RANBP2: variants seen among roughly 807,000 people sequenced by gnomAD.
The protein encoded by RANBP2 is E3 SUMO-protein ligase RanBP2.
Under a neutral mutation model 303.6 loss-of-function variants are expected in RANBP2, and 57 were observed. The ratio of observed to expected loss-of-function variants is 0.19; its 90% CI spans 0.15 to 0.23. The LOEUF (loss-of-function observed/expected upper bound fraction) is 0.23, where lower values mean the gene tolerates loss of function less well. Ranked by LOEUF, RANBP2 falls within the 10% of genes least tolerant of loss-of-function variation. The pLI is 1.00. For missense variants in RANBP2, 3,138 were observed against 3,780.8 expected (o/e 0.83, Z 4.46); for synonymous variants, 1,167 against 1,301.5 (o/e 0.90, Z 2.23).
the RANBP2 span, among the ~76,000 whole-genome samples, chr2:108,993,196 C>G: frequency 6.6e-6 from 1 of 152,024 alleles, no homozygotes; most frequent in East Asian, 1.9e-4. Context: ...CCAAGACTTG[C>G]GAAGGAAGAA....
chr2:109,319,629 C>T, the RANBP2 span, among the ~76,000 whole-genome samples: 1 of 152,238 alleles, frequency 6.6e-6, no homozygotes, highest in Non-Finnish European at 1.5e-5. Flanking sequence ...CTTATCATCC[C>T]TGTTGTTTTT....
chr2:109,249,532 T>TTTCC, the RANBP2 span, among the ~76,000 whole-genome samples: 2,643 of 96,320 alleles, frequency 0.027, 66 homozygotes, highest in Middle Eastern at 0.051. Flanking sequence ...TCTTTCTTTC[T>TTTCC]TTCCTTCCTT....
the RANBP2 span, among the ~76,000 whole-genome samples, chr2:109,363,433 AAC>A: frequency 3.3e-5 from 5 of 152,152 alleles, no homozygotes; most frequent in African/African-American, 1.2e-4. Flanking sequence ...AGTGTATGTA[AAC>A]ACACACACAT....
the RANBP2 span, among the ~76,000 whole-genome samples, chr2:109,485,774 G>A: frequency 6.6e-6 from 1 of 152,376 alleles, no homozygotes; most frequent in Admixed American, 6.5e-5. Context: ...TAACTCATAA[G>A]CTCTCCCTTC....
At chr2:109,503,001 G>A in the RANBP2 span, 1 of 152,216 alleles carries the variant, frequency 6.6e-6, no homozygotes, top group Admixed American at 6.5e-5. Context: ...GCAAGATCGG[G>A]GAGTTGGGAG....
the RANBP2 span, among the ~76,000 whole-genome samples, chr2:109,020,972 C>T: frequency 7.8e-4 from 118 of 152,106 alleles, no homozygotes; most frequent in African/African-American, 2.6e-3. Context: ...CACACCCAGG[C>T]GACTCCCCAG....
chr2:109,260,601 T>C, the RANBP2 span, among the ~76,000 whole-genome samples: 1 of 152,220 alleles, frequency 6.6e-6, no homozygotes, highest in Non-Finnish European at 1.5e-5. Context: ...GAGTGCCTGA[T>C]GCAGGATCTG....
chr2:108,864,173 A>C, the RANBP2 span, among the ~76,000 whole-genome samples: 6 of 152,200 alleles, frequency 3.9e-5, no homozygotes, highest in South Asian at 2.1e-4. Context: ...TGAAAAAAAA[A>C]CAAAACATTG....
At chr2:109,570,521 T>C in the RANBP2 span, among the ~76,000 whole-genome samples, 1 of 135,146 alleles carries the variant, frequency 7.4e-6, no homozygotes, top group African/African-American at 2.5e-5. Context: ...ATTTACATTG[T>C]ATCAGGTTTT....
the RANBP2 span, chr2:108,911,038 C>A: frequency 1.2e-6 from 2 of 1,614,166 alleles, no homozygotes. Flanking sequence ...TTGCAATGAT[C>A]AGGGCAGTGG....
the RANBP2 span, among the ~76,000 whole-genome samples, chr2:109,298,336 G>T: frequency 6.6e-6 from 1 of 152,110 alleles, no homozygotes; most frequent in Non-Finnish European, 1.5e-5. Flanking sequence ...TGTCATCCTT[G>T]TCCCTGCAGT....
the RANBP2 span, among the ~76,000 whole-genome samples, chr2:109,582,873 G>A: frequency 3.8e-4 from 58 of 152,162 alleles, no homozygotes; most frequent in Admixed American, 1.4e-3. Flanking sequence ...AAATAAAGCC[G>A]CACACCTACA....
At chr2:109,047,743 G>T in the RANBP2 span, among the ~76,000 whole-genome samples, 1 of 152,256 alleles carries the variant, frequency 6.6e-6, no homozygotes, top group Non-Finnish European at 1.5e-5. Context: ...CTGGGAGGTG[G>T]AGGTGTAGTG....
chr2:109,400,458 C>T, the RANBP2 span, among the ~76,000 whole-genome samples: 1 of 152,164 alleles, frequency 6.6e-6, no homozygotes, highest in Non-Finnish European at 1.5e-5. Flanking sequence ...TCCACATGCA[C>T]ACACATACAC....
At chr2:108,852,668 A>C in the RANBP2 span, among the ~76,000 whole-genome samples, 1 of 152,188 alleles carries the variant, frequency 6.6e-6, no homozygotes, top group African/African-American at 2.4e-5. Context: ...ATCAAATAAC[A>C]CATGTTCTCA....
chr2:109,131,754 G>A, the RANBP2 span, among the ~76,000 whole-genome samples: 1 of 152,194 alleles, frequency 6.6e-6, no homozygotes, highest in Non-Finnish European at 1.5e-5. Flanking sequence ...GCAGGAAATT[G>A]ATGTTTTACT....
At chr2:109,737,761 ATAGCTATCTTAACTGGG>A in the RANBP2 span, among the ~76,000 whole-genome samples, 1 of 152,082 alleles carries the variant, frequency 6.6e-6, no homozygotes, top group South Asian at 2.1e-4. Flanking sequence ...GTTTTTGGTA[ATAGCTATCTTAACTGGG>A]GTGAAATGAA....
the RANBP2 span, among the ~76,000 whole-genome samples, chr2:109,681,229 AATGT>A: frequency 6.6e-6 from 1 of 152,154 alleles, no homozygotes; most frequent in Non-Finnish European, 1.5e-5. Flanking sequence ...TAAAACTACT[AATGT>A]ATGAAGTTAG....
the RANBP2 span, among the ~76,000 whole-genome samples, chr2:108,860,934 A>ATTTTTTTTTT: frequency 7.0e-4 from 8 of 11,414 alleles, no homozygotes; most frequent in Non-Finnish European, 1.3e-3. Flanking sequence ...CTGGTCCAGG[A>ATTTTTTTTTT]CTTTTTTTTT....
Sources: allele counts gnomAD v4.1 joint callset (sites outside exome capture counted in the v4.1 genomes callset), GRCh38; gene constraint gnomAD v4.1.1; transcripts MANE v1.5; gene names NCBI Gene and HGNC (gene_info 2026-07-23, HGNC 2026-07-21).